The following NOD1 variants were observed in gnomAD, a reference collection of about 807,000 sequenced individuals.
The protein encoded by NOD1 is nucleotide binding oligomerization domain containing 1.
A neutral mutation model predicts 81.2 loss-of-function variants in NOD1; 70 were observed. The ratio of observed to expected loss-of-function variants is 0.86; its 90% CI spans 0.71 to 1.05. The LOEUF is 1.05. NOD1 is among the 50% of genes least tolerant of loss of function. The pLI, the probability that NOD1 is intolerant of heterozygous loss-of-function variation, is 0.00. For missense variants in NOD1, 1,233 were observed against 1,228.0 expected (o/e 1.00, Z -0.06); for synonymous variants, 508 against 526.9 (o/e 0.96, Z 0.49).
chr7:30,469,611 C>T (rs1413371953), intron 1 of NOD1, among the ~76,000 whole-genome samples: 1 of 152,236 alleles, frequency 6.6e-6, no homozygotes, highest in Non-Finnish European at 1.5e-5. Flanking sequence ...TGCCTGCCCC[C>T]ACATCTCTCA....
intron 10 of NOD1, 48 bp downstream of exon 10, chr7:30,437,525 G>T (rs1784484697): frequency 2.4e-6 from 3 of 1,264,606 alleles, no homozygotes; most frequent in South Asian, 1.7e-5. Flanking sequence ...ACCTAGAGCA[G>T]CTGGGAGGGA....
intron 6 of NOD1, among the ~76,000 whole-genome samples, chr7:30,450,842 G>A (rs993526273): frequency 6.6e-6 from 1 of 152,140 alleles, no homozygotes; most frequent in Non-Finnish European, 1.5e-5. Flanking sequence ...GACAATAACA[G>A]TACCTAAGTT....
chr7:30,461,280 C>T (rs1787040746), intron 1 of NOD1, among the ~76,000 whole-genome samples: 1 of 152,112 alleles, frequency 6.6e-6, no homozygotes, highest in African/African-American at 2.4e-5. Context: ...CAGGTTCAAG[C>T]AATTCTCCTG....
intron 5 of NOD1, 93 bp from the exon 6 acceptor site, chr7:30,453,133 G>A (rs1785972270): frequency 2.1e-6 from 3 of 1,402,354 alleles, no homozygotes; most frequent in Non-Finnish European, 2.9e-6. Flanking sequence ...AGAGGCGAGT[G>A]CATAAACAAA....
At chr7:30,433,509 T>C in intron 11 of NOD1, 1 of 349,236 alleles carries the variant, frequency 2.9e-6, no homozygotes, top group Non-Finnish European at 5.2e-6. Flanking sequence ...AATGCCTGCT[T>C]CTCAGTTCTC....
At chr7:30,449,805 C>T (rs1309677764) in intron 6 of NOD1, among the ~76,000 whole-genome samples, 1 of 152,234 alleles carries the variant, frequency 6.6e-6, no homozygotes, top group Non-Finnish European at 1.5e-5. Context: ...TTCCTACAAG[C>T]TGTTTTTTCT....
At chr7:30,456,307 C>A (rs1002246909) in intron 4 of NOD1, among the ~76,000 whole-genome samples, 2 of 152,162 alleles carry the variant, frequency 1.3e-5, no homozygotes, top group African/African-American at 2.4e-5. Flanking sequence ...GTGGACCCAC[C>A]GTGGGATGTC....
chr7:30,461,432 C>G, intron 1 of NOD1, among the ~76,000 whole-genome samples: 1 of 152,344 alleles, frequency 6.6e-6, no homozygotes, highest in East Asian at 1.9e-4. Context: ...CCCACCTCAG[C>G]CTCCCAAAGT....
intron 1 of NOD1, among the ~76,000 whole-genome samples, chr7:30,461,192 G>A (rs930552687): frequency 6.6e-6 from 1 of 151,972 alleles, no homozygotes; most frequent in African/African-American, 2.4e-5. Context: ...ATTATTTTTT[G>A]AGATGAAGTC....
rs200610248 is a variant in NOD1, at chr7:30,452,545, G to T, written c.872C>A (p.Ser291Ter). ...AGGCACGCGGCTCAGGTCCAAGTCCGAGTGCAGCTCGTCCAGGCCATCGAA... is the reference window on the plus strand; with the variant it reads ...AGGCACGCGGCTCAGGTCCAAGTCCTAGTGCAGCTCGTCCAGGCCATCGAA... ...FTFDGLDELHSDLDLSRVPDS... is the reference protein window; with the variant it reads ...FTFDGLDELH Residue 291 changes from serine (S) to a stop codon, truncating the protein, a stop_gained, in exon 6 of 14, where the codon TCG (serine) becomes TAG (stop). Coordinates refer to ENST00000222823, the MANE Select transcript of NOD1 (RefSeq NM_006092.4). LOFTEE classifies it high-confidence loss of function. 6.2e-7 allele frequency: 1 copy of T among 1,613,192 alleles called. No homozygotes were observed. Among genetic ancestry groups the T allele is most frequent in the South Asian group, 1.1e-5 (1 of 91,088 alleles).
Position 30,462,678 on chromosome 7 carries a change from G to A in NOD1, c.-351-2637C>T, listed in dbSNP as rs182865688. On this transcript the variant is annotated intron_variant, in intron 1 of 13. Transcript: ENST00000222823. ...AAAAGAGTACTTAGGGCTGGGTGCAGTGGCTCACGCTTGTAATCCTAGCAC... is the reference window on the plus strand; with the variant it reads ...AAAAGAGTACTTAGGGCTGGGTGCAATGGCTCACGCTTGTAATCCTAGCAC... 3.9e-5 allele frequency among the ~76,000 whole-genome samples: 6 copies of A among 152,340 alleles called. No individual in the cohort carries two copies. The East Asian group carries it at 1.2e-3, about 29-fold the overall frequency.
rs1583636476 is a variant in NOD1 at position 30,425,560 on chromosome 7, T to TGACA, written c.*74_*77dup. ...GCCTGCGCAGGCCCCTTTAAGACAC[T>TGACA]GACACAAAAGACTGCCCAGAGTGGC... On this transcript the variant is annotated 3_prime_UTR_variant, in exon 14 of 14. Transcript: ENST00000222823. The TGACA allele has an allele frequency of 6.6e-6, 7 of 1,054,094 alleles. No homozygotes were observed. Among genetic ancestry groups the TGACA allele is most frequent in the Non-Finnish European group, 1.0e-5 (7 of 668,862 alleles). 65.3% of individuals were successfully genotyped at this position (1,054,094 alleles called of 1,614,324 possible). A position where few individuals can be genotyped will look rare whatever the true frequency, so the allele number is the denominator to read the frequency against.
At position 30,467,506 on chromosome 7, in the gene NOD1, G is replaced by A. The variant is rs1420742511; in HGVS notation, c.-351-7465C>T. Among the ~76,000 whole-genome samples, 1 of 152,190 alleles carries A rather than the reference G, an allele frequency of 6.6e-6. No individual in the cohort carries two copies. The highest frequency in any genetic ancestry group is 1.5e-5 in the Non-Finnish European group (1 of 68,030). On this transcript the variant is annotated intron_variant, in intron 1 of 13. Coordinates refer to ENST00000222823, the MANE Select transcript of NOD1 (RefSeq NM_006092.4). This position sits in a 1 kb window ranked among gnomAD's most constrained non-coding sequence, Gnocchi z 4.5. ...GACTTTCAACTCAAAGGGCCCACCT[G>A]CCCTAGAGAGAAAATGCTTGGTCTT...
At chr7:30,433,581 C>G (rs1237515734) in intron 11 of NOD1, among the ~76,000 whole-genome samples, 1 of 152,172 alleles carries the variant, frequency 6.6e-6, no homozygotes, top group African/African-American at 2.4e-5. Context: ...GTTTGAAGAC[C>G]TGAAACAGTC....
chr7:30,437,220 G>C (rs921878760), intron 10 of NOD1, among the ~76,000 whole-genome samples: 1 of 151,840 alleles, frequency 6.6e-6, no homozygotes, highest in African/African-American at 2.4e-5. Context: ...ACCAGGGCCT[G>C]TTGGGGGTGG....
At chr7:30,468,690 A>G in intron 1 of NOD1, 1 of 347,940 alleles carries the variant, frequency 2.9e-6, no homozygotes, top group Non-Finnish European at 4.0e-6. Context: ...CAGATTGCAA[A>G]TGTCAATTAG....
chr7:30,473,183 G>A (rs904061068), intron 1 of NOD1, among the ~76,000 whole-genome samples: 1 of 152,166 alleles, frequency 6.6e-6, no homozygotes, highest in Non-Finnish European at 1.5e-5. Context: ...CTGAGAATTT[G>A]CCTTTCTGGG....
chr7:30,434,820 T>C (rs1369522718), intron 11 of NOD1, among the ~76,000 whole-genome samples: 2 of 152,194 alleles, frequency 1.3e-5, no homozygotes, highest in Non-Finnish European at 2.9e-5. Context: ...AACTCTCTCA[T>C]GAAGAGGATA....
At chr7:30,436,220 T>C in intron 10 of NOD1, 139 bp from the exon 11 acceptor site, 5 of 664,626 alleles carry the variant, frequency 7.5e-6, no homozygotes, top group Non-Finnish European at 1.3e-5. Context: ...GCAGAAGTGT[T>C]CAGCTGCAGC....
Sources: allele counts gnomAD v4.1 joint callset (sites outside exome capture counted in the v4.1 genomes callset), GRCh38; gene constraint gnomAD v4.1.1; non-coding constraint Gnocchi (gnomAD v3.1); transcripts MANE v1.5; gene names NCBI Gene and HGNC (gene_info 2026-07-23, HGNC 2026-07-21).